The following PALM2AKAP2 variants were observed in gnomAD, a reference collection of about 807,000 sequenced individuals.
PALM2AKAP2 encodes PALM2-AKAP2 fusion protein.
Under a neutral mutation model 71.5 loss-of-function variants are expected in PALM2AKAP2, and 37 were observed. That is an observed-to-expected ratio of 0.52 (90% confidence interval 0.40 to 0.68). The LOEUF is 0.68. Among genes scored for constraint, PALM2AKAP2 ranks in the 30% least tolerant of loss-of-function variants. PALM2AKAP2 has a pLI of 0.00. For missense variants in PALM2AKAP2, 1,224 were observed against 1,191.8 expected (o/e 1.03, Z -0.40); for synonymous variants, 468 against 478.8 (o/e 0.98, Z 0.29).
In PALM2AKAP2 at chr9:109,829,709, G is replaced by A. The variant is rs558018494; in HGVS notation, c.46-37782G>A. ...TCCTGGCCAGAGCGTCATTTGAGGC[G>A]TGCTTATGCAGTTCTCATTGTCTTC... On this transcript the variant is annotated intron_variant, in intron 1 of 9. Transcript: ENST00000302798. Among the ~76,000 whole-genome samples, 126 of 151,788 alleles carry A rather than the reference G, an allele frequency of 8.3e-4. 1 individual carries two copies. The highest frequency in any genetic ancestry group is 3.4e-3 in the Middle Eastern group (1 of 294).
chr9:110,041,372 T>C (rs1021872518), intron 7 of PALM2AKAP2, among the ~76,000 whole-genome samples: 1 of 152,188 alleles, frequency 6.6e-6, no homozygotes, highest in African/African-American at 2.4e-5. Flanking sequence ...TACAATGTTA[T>C]GTCAATGTCG....
intron 1 of PALM2AKAP2, among the ~76,000 whole-genome samples, chr9:109,789,986 A>T (rs1240081987): frequency 6.6e-6 from 1 of 152,172 alleles, no homozygotes; most frequent in Non-Finnish European, 1.5e-5. Context: ...ACTTTGGATT[A>T]CTCTTTGACC....
intron 3 of PALM2AKAP2, among the ~76,000 whole-genome samples, chr9:109,889,271 C>T (rs188586172): frequency 6.6e-6 from 1 of 152,254 alleles, no homozygotes; most frequent in African/African-American, 2.4e-5. Context: ...TATGACAGTT[C>T]ATAAAACCAT....
At chr9:109,882,519 A>G (rs993648871) in intron 3 of PALM2AKAP2, among the ~76,000 whole-genome samples, 4 of 152,018 alleles carry the variant, frequency 2.6e-5, no homozygotes, top group African/African-American at 9.6e-5. Flanking sequence ...CTAAACTGTT[A>G]CCAACCATTT....
chr9:110,011,286 T>G (rs1035702130), intron 6 of PALM2AKAP2, among the ~76,000 whole-genome samples: 5 of 150,998 alleles, frequency 3.3e-5, no homozygotes, highest in Non-Finnish European at 7.4e-5. Flanking sequence ...ATTCTTTATA[T>G]AGGTTCTTCC....
chr9:109,780,279 C>A (rs1426766178), upstream of PALM2AKAP2: 31 of 1,206,526 alleles, frequency 2.6e-5, no homozygotes, highest in Non-Finnish European at 3.2e-5. Context: ...CGCAGCCAGG[C>A]GGCCGGGAGG....
intron 1 of PALM2AKAP2, among the ~76,000 whole-genome samples, chr9:109,825,082 A>G (rs1297971761): frequency 6.6e-6 from 1 of 152,224 alleles, no homozygotes; most frequent in Non-Finnish European, 1.5e-5. Flanking sequence ...GAAACAAGAC[A>G]CCTTGCAAAA....
intron 6 of PALM2AKAP2, chr9:109,945,832 G>A (rs977219741): frequency 6.6e-6 from 1 of 152,202 alleles, no homozygotes; most frequent in Non-Finnish European, 1.5e-5. Flanking sequence ...TACAGAAAAT[G>A]ATCTGCACAT....
intron 3 of PALM2AKAP2, among the ~76,000 whole-genome samples, chr9:109,905,237 C>G (rs1475469573): frequency 6.6e-6 from 1 of 152,196 alleles, no homozygotes; most frequent in Non-Finnish European, 1.5e-5. Context: ...TGTACTGGGA[C>G]AGTGACCTAC....
chr9:109,745,979 G>T (rs1008180780), intron 1 of PALM2AKAP2, among the ~76,000 whole-genome samples: 4 of 152,202 alleles, frequency 2.6e-5, no homozygotes, highest in Non-Finnish European at 5.9e-5. Flanking sequence ...GCATTCAGAG[G>T]TAACAATATG....
intron 1 of PALM2AKAP2, among the ~76,000 whole-genome samples, chr9:110,098,428 G>A (rs148827939): frequency 4.9e-4 from 75 of 152,232 alleles, no homozygotes; most frequent in Non-Finnish European, 8.4e-4. Context: ...GGTTGCACAA[G>A]CCTGTGAAAA....
At chr9:109,711,587 G>A (rs1159276441) in intron 1 of PALM2AKAP2, among the ~76,000 whole-genome samples, 1 of 152,238 alleles carries the variant, frequency 6.6e-6, no homozygotes, top group Non-Finnish European at 1.5e-5. Context: ...CCCAAGGCTG[G>A]TCCTGAGTGT....
chr9:109,753,410 T>C (rs1476987494), intron 1 of PALM2AKAP2, among the ~76,000 whole-genome samples: 1 of 152,172 alleles, frequency 6.6e-6, no homozygotes, highest in Non-Finnish European at 1.5e-5. Context: ...ATCTTCTTTT[T>C]CCAGCTTCCA....
chr9:109,802,786 G>A (rs1358687327), intron 1 of PALM2AKAP2, among the ~76,000 whole-genome samples: 3 of 152,222 alleles, frequency 2.0e-5, no homozygotes, highest in Non-Finnish European at 2.9e-5. Context: ...CTGGCTGGGT[G>A]GTTACTTTCC....
chr9:109,820,743 C>T (rs1294825577), intron 1 of PALM2AKAP2, among the ~76,000 whole-genome samples: 2 of 152,224 alleles, frequency 1.3e-5, no homozygotes, highest in African/African-American at 4.8e-5. Context: ...CATGGGTTGA[C>T]TGGAGCCTAA....
chr9:109,793,778 CA>C (rs1030722035), intron 1 of PALM2AKAP2, among the ~76,000 whole-genome samples: 15 of 151,880 alleles, frequency 9.9e-5, no homozygotes, highest in African/African-American at 2.7e-4. Flanking sequence ...TGAAAAAATT[CA>C]AAAAAGGATC....
intron 1 of PALM2AKAP2, among the ~76,000 whole-genome samples, chr9:109,847,470 GA>G (rs1828892190): frequency 6.6e-6 from 1 of 152,210 alleles, no homozygotes; most frequent in Non-Finnish European, 1.5e-5. Context: ...CGATGGGCGT[GA>G]TGGCTCACGC....
At chr9:110,030,947 A>T (rs1436396377) in intron 7 of PALM2AKAP2, among the ~76,000 whole-genome samples, 1 of 152,212 alleles carries the variant, frequency 6.6e-6, no homozygotes, top group East Asian at 1.9e-4. Flanking sequence ...GAAATTAGTC[A>T]GTGGAGATGT....
chr9:109,784,521 A>G (rs1268301350), intron 1 of PALM2AKAP2, among the ~76,000 whole-genome samples: 2 of 152,264 alleles, frequency 1.3e-5, no homozygotes, highest in Non-Finnish European at 2.9e-5. Flanking sequence ...AGGCAAAAGC[A>G]TGAAGAAGTT....
Sources: gnomAD v4.1 joint callset for allele counts (sites outside exome capture counted in the v4.1 genomes callset) on GRCh38, gnomAD v4.1.1 for gene constraint, MANE v1.5 for transcripts, NCBI Gene and HGNC (gene_info 2026-07-23, HGNC 2026-07-21) for gene names.